The following SYT16 variants were observed in gnomAD, a reference collection of about 807,000 sequenced individuals.
SYT16 encodes synaptotagmin 16.
A neutral mutation model predicts 61.4 loss-of-function variants in SYT16; 42 were observed. The ratio of observed to expected loss-of-function variants is 0.68; its 90% CI spans 0.53 to 0.89. SYT16 has a LOEUF of 0.89. SYT16 is among the 40% of genes least tolerant of loss of function. The pLI is 0.00. For synonymous variants in SYT16, 314 were observed against 302.3 expected (o/e 1.04, Z -0.40); for missense variants, 804 against 807.3 (o/e 1.00, Z 0.05).
intron 1 of SYT16, among the ~76,000 whole-genome samples, chr14:61,903,496 A>C (rs978893662): frequency 2.0e-4 from 30 of 152,334 alleles, no homozygotes; most frequent in African/African-American, 6.7e-4. Flanking sequence ...TTTTTAAATT[A>C]GGTTATGAAT....
chr14:62,112,661 A>G (rs1459227088), downstream of SYT16: 1 of 152,212 alleles, frequency 6.6e-6, no homozygotes, highest in Non-Finnish European at 1.5e-5. Context: ...TACAAAAACC[A>G]TTAACTTCAA....
chr14:61,820,274 T>C (rs940764735), intron 1 of SYT16, among the ~76,000 whole-genome samples: 1 of 152,136 alleles, frequency 6.6e-6, no homozygotes, highest in Non-Finnish European at 1.5e-5. Context: ...GTAGAAACCT[T>C]GGGAGAATTC....
intron 3 of SYT16, among the ~76,000 whole-genome samples, chr14:62,014,588 C>T (rs2053590823): frequency 6.6e-6 from 1 of 151,980 alleles, no homozygotes; most frequent in African/African-American, 2.4e-5. Context: ...TGCCCACCAC[C>T]ATGCCCAACT....
At chr14:62,087,708 C>T (rs1030971933) in intron 7 of SYT16, among the ~76,000 whole-genome samples, 16 of 152,154 alleles carry the variant, frequency 1.1e-4, no homozygotes, top group Non-Finnish European at 8.8e-5. Flanking sequence ...GTTAGATAAT[C>T]GGATATTTTT....
chr14:61,986,956 G>A (rs1248496669), intron 2 of SYT16, among the ~76,000 whole-genome samples: 1 of 152,078 alleles, frequency 6.6e-6, no homozygotes, highest in Non-Finnish European at 1.5e-5. Flanking sequence ...AACCTACTCT[G>A]TGATCTCATA....
chr14:61,977,157 C>G (rs1055356149), intron 2 of SYT16, among the ~76,000 whole-genome samples: 2 of 152,196 alleles, frequency 1.3e-5, no homozygotes, highest in African/African-American at 2.4e-5. Context: ...AGCCATTCAA[C>G]AAGTCTCTAG....
chr14:62,044,592 G>A (rs2054888597), intron 3 of SYT16, among the ~76,000 whole-genome samples: 1 of 152,086 alleles, frequency 6.6e-6, no homozygotes, highest in South Asian at 2.1e-4. Flanking sequence ...GAGAATGATG[G>A]TTTCTAGCTT....
chr14:62,079,364 G>A (rs1420376723), intron 5 of SYT16: 6 of 1,218,782 alleles, frequency 4.9e-6, no homozygotes, highest in Non-Finnish European at 6.3e-6. Context: ...TAAAAGAAAA[G>A]GATATTTATT....
At chr14:62,050,153 T>C (rs570632197) in intron 3 of SYT16, among the ~76,000 whole-genome samples, 2 of 152,242 alleles carry the variant, frequency 1.3e-5, no homozygotes, top group Non-Finnish European at 2.9e-5. Context: ...CCATATTTCT[T>C]GGAGGCTTTG....
intron 3 of SYT16, among the ~76,000 whole-genome samples, chr14:62,003,644 CAT>C (rs1354670670): frequency 6.6e-6 from 1 of 151,980 alleles, no homozygotes; most frequent in Admixed American, 6.6e-5. Flanking sequence ...GAAGCTGGAA[CAT>C]AGAGTTTATA....
chr14:61,992,586 G>A (rs575460897), intron 2 of SYT16, among the ~76,000 whole-genome samples: 1 of 152,080 alleles, frequency 6.6e-6, no homozygotes, highest in East Asian at 1.9e-4. Flanking sequence ...TTTGCAGGAA[G>A]CCTTTAGGAT....
chr14:61,961,423 GC>G (rs565683015), intron 1 of SYT16, among the ~76,000 whole-genome samples: 173 of 152,090 alleles, frequency 1.1e-3, no homozygotes, highest in African/African-American at 3.7e-3. Flanking sequence ...AAACTTACAA[GC>G]AAAAATGAGC....
chr14:61,914,744 G>A (rs1384284296), intron 1 of SYT16, among the ~76,000 whole-genome samples: 2 of 152,158 alleles, frequency 1.3e-5, no homozygotes, highest in East Asian at 3.8e-4. Flanking sequence ...CCAGTTATAA[G>A]CCACCATTAT....
chr14:62,032,542 ATTAG>A (rs1308690948), intron 3 of SYT16, among the ~76,000 whole-genome samples: 1 of 152,084 alleles, frequency 6.6e-6, no homozygotes, highest in African/African-American at 2.4e-5. Context: ...TTATGAATAT[ATTAG>A]TTATTTGAGC....
chr14:62,039,617 T>C (rs1183413012), intron 3 of SYT16, among the ~76,000 whole-genome samples: 2 of 152,188 alleles, frequency 1.3e-5, no homozygotes, highest in Non-Finnish European at 2.9e-5. Context: ...TAATACATTT[T>C]TAATGCATTA....
At position 61,882,957 on chromosome 14, in the gene SYT16, G is replaced by A. The variant is rs76048833; in HGVS notation, c.-325+70147G>A. The stretch of plus-strand genomic sequence containing the variant: ...CTCCATGTCTCACATCCAAGGTGGC[G>A]TGGGACTTGCACCCTCTGAAGCAAT... On this transcript the variant is annotated intron_variant, in intron 1 of 7. Coordinates refer to ENST00000683842, the MANE Select transcript of SYT16 (RefSeq NM_001367656.1). Among the ~76,000 whole-genome samples, 228 of 152,264 alleles carry A rather than the reference G, an allele frequency of 1.5e-3. 1 individual carries two copies. The highest frequency in any genetic ancestry group is 5.3e-3 in the African/African-American group (221 of 41,560).
intron 3 of SYT16, among the ~76,000 whole-genome samples, chr14:62,020,982 G>A (rs543280318): frequency 6.6e-6 from 1 of 152,194 alleles, no homozygotes; most frequent in African/African-American, 2.4e-5. Flanking sequence ...AAAAACCTGT[G>A]TACCTGCTCT....
At chr14:61,932,096 G>C (rs1184791305) in intron 1 of SYT16, among the ~76,000 whole-genome samples, 1 of 152,196 alleles carries the variant, frequency 6.6e-6, no homozygotes, top group African/African-American at 2.4e-5. Flanking sequence ...GCTTTAACCA[G>C]TTGAACACAC....
chr14:61,946,103 A>T (rs528826486), intron 1 of SYT16, among the ~76,000 whole-genome samples: 18 of 152,232 alleles, frequency 1.2e-4, no homozygotes, highest in Middle Eastern at 3.4e-3. Context: ...AGAAACACCT[A>T]ATGTAGATGA....
Sources: gnomAD v4.1 joint callset for allele counts (sites outside exome capture counted in the v4.1 genomes callset) on GRCh38, gnomAD v4.1.1 for gene constraint, MANE v1.5 for transcripts, NCBI Gene and HGNC (gene_info 2026-07-23, HGNC 2026-07-21) for gene names.